Variants in SCAND3 observed in about 807,000 individuals in gnomAD.
The protein encoded by SCAND3 is SCAN domain-containing protein 3.
the SCAND3 span, among the ~76,000 whole-genome samples, chr6:28,592,625 C>A: frequency 6.6e-6 from 1 of 152,112 alleles, no homozygotes; most frequent in Non-Finnish European, 1.5e-5. The surrounding 1 kb of genome is among the most constrained non-coding windows in gnomAD (Gnocchi z 4.1). Flanking sequence ...ACAAAAAAAT[C>A]TTGAGCAAAA....
the SCAND3 span, chr6:28,579,522 G>A: frequency 9.3e-7 from 1 of 1,074,412 alleles, no homozygotes; most frequent in African/African-American, 1.6e-5. The surrounding 1 kb of genome is among the most constrained non-coding windows in gnomAD (Gnocchi z 4.5). Flanking sequence ...AAGAAAATCA[G>A]TCTTTACTGA....
chr6:28,596,337 G>C, the SCAND3 span, among the ~76,000 whole-genome samples: 1 of 152,066 alleles, frequency 6.6e-6, no homozygotes, highest in Non-Finnish European at 1.5e-5. Flanking sequence ...AGGATATATT[G>C]GTTAGGGAAA....
chr6:28,601,983 T>C, the SCAND3 span, among the ~76,000 whole-genome samples: 12 of 148,758 alleles, frequency 8.1e-5, no homozygotes, highest in South Asian at 1.8e-3. Flanking sequence ...TCTGACATAA[T>C]GAAGCATGCA....
At chr6:28,573,890 AT>A in the SCAND3 span, 1 of 1,424,300 alleles carries the variant, frequency 7.0e-7, no homozygotes, top group South Asian at 1.6e-5. Context: ...TAACAGTGTT[AT>A]ACCACAAGTT....
chr6:28,574,207 T>C, the SCAND3 span, among the ~76,000 whole-genome samples: 1 of 152,204 alleles, frequency 6.6e-6, no homozygotes, highest in African/African-American at 2.4e-5. Context: ...TCTAAATATT[T>C]ACGCTTAATT....
chr6:28,598,890 A>AAAG, the SCAND3 span, among the ~76,000 whole-genome samples: 1 of 149,008 alleles, frequency 6.7e-6, no homozygotes, highest in African/African-American at 2.4e-5. Context: ...AAAAAAAAAA[A>AAAG]AAAAGAAAAA....
the SCAND3 span, chr6:28,573,464 C>T: frequency 4.3e-6 from 7 of 1,613,954 alleles, no homozygotes; most frequent in Non-Finnish European, 5.9e-6. Context: ...ACGTTGAACA[C>T]CTGCTTTGGT....
At chr6:28,594,844 A>G in the SCAND3 span, among the ~76,000 whole-genome samples, 29 of 152,256 alleles carry the variant, frequency 1.9e-4, no homozygotes, top group African/African-American at 3.6e-4. Context: ...AACTCGTAGA[A>G]ATAGAGAGAT....
At chr6:28,594,428 G>T in the SCAND3 span, among the ~76,000 whole-genome samples, 2 of 152,192 alleles carry the variant, frequency 1.3e-5, no homozygotes, top group African/African-American at 4.8e-5. Flanking sequence ...GCCGAGGCGG[G>T]TGGATCACCT....
the SCAND3 span, among the ~76,000 whole-genome samples, chr6:28,604,175 G>T: frequency 6.6e-6 from 1 of 152,174 alleles, no homozygotes; most frequent in Non-Finnish European, 1.5e-5. Context: ...GAGATGCAAA[G>T]AATTCGCAGT....
At chr6:28,591,395 A>T in the SCAND3 span, 3 of 151,552 alleles carry the variant, frequency 2.0e-5, no homozygotes, top group African/African-American at 4.9e-5. Flanking sequence ...ATTTATAAAA[A>T]CTCCACCCTT....
At chr6:28,591,249 G>A in the SCAND3 span, 1 of 152,440 alleles carries the variant, frequency 6.6e-6, no homozygotes, top group Non-Finnish European at 1.5e-5. Flanking sequence ...AGGCCAAGGA[G>A]CAGCTGCTAT....
chr6:28,591,284 A>G, the SCAND3 span: 1 of 152,334 alleles, frequency 6.6e-6, no homozygotes, highest in Non-Finnish European at 1.5e-5. Flanking sequence ...AGCCACCAAC[A>G]CTGGGAGAGG....
At chr6:28,605,323 T>A in the SCAND3 span, among the ~76,000 whole-genome samples, 1 of 152,170 alleles carries the variant, frequency 6.6e-6, no homozygotes, top group Non-Finnish European at 1.5e-5. Flanking sequence ...CTCTAAAGAA[T>A]TCCTTAATCC....
the SCAND3 span, chr6:28,572,078 A>G: frequency 1.2e-6 from 2 of 1,613,950 alleles, no homozygotes; most frequent in African/African-American, 2.7e-5. This position sits in a 1 kb window ranked among gnomAD's most constrained non-coding sequence, Gnocchi z 4.1. Flanking sequence ...GTTGAGGGGA[A>G]AAGAAGCAGC....
the SCAND3 span, among the ~76,000 whole-genome samples, chr6:28,612,656 G>A: frequency 5.3e-5 from 8 of 152,116 alleles, no homozygotes; most frequent in Non-Finnish European, 1.0e-4. Context: ...GAATCAAAAC[G>A]GTATCTACAA....
the SCAND3 span, among the ~76,000 whole-genome samples, chr6:28,602,064 G>A: frequency 6.6e-6 from 1 of 152,150 alleles, no homozygotes; most frequent in African/African-American, 2.4e-5. Flanking sequence ...GATAATGCCT[G>A]TGAAGAAGAA....
chr6:28,600,795 A>T, the SCAND3 span, among the ~76,000 whole-genome samples: 1 of 151,986 alleles, frequency 6.6e-6, no homozygotes, highest in Non-Finnish European at 1.5e-5. Context: ...TAAGAATTTT[A>T]GTTAAATATT....
chr6:28,572,509 A>G, the SCAND3 span: 1 of 1,613,502 alleles, frequency 6.2e-7, no homozygotes, highest in African/African-American at 1.3e-5. This position sits in a 1 kb window ranked among gnomAD's most constrained non-coding sequence, Gnocchi z 4.1. Flanking sequence ...TGCCATTGAA[A>G]AATAAGTTGC....
Sources: allele counts gnomAD v4.1 joint callset (sites outside exome capture counted in the v4.1 genomes callset), GRCh38; gene constraint gnomAD v4.1.1; non-coding constraint Gnocchi (gnomAD v3.1); transcripts MANE v1.5; gene names NCBI Gene and HGNC (gene_info 2026-07-23, HGNC 2026-07-21).